DEAF1: variants seen among roughly 807,000 people sequenced by gnomAD.
DEAF1 encodes the protein DEAF1 transcription factor.
Under a neutral mutation model 58.9 loss-of-function variants are expected in DEAF1, and 53 were observed. That is an observed-to-expected ratio of 0.90 (90% CI 0.72 to 1.13). The LOEUF is 1.13. DEAF1 is among the 50% of genes most tolerant of loss of function. The probability of loss-of-function intolerance (pLI) is 0.00; values close to 1 mark genes in which losing one functional copy is unlikely to be tolerated. For missense variants in DEAF1, 685 were observed against 791.4 expected, an observed-to-expected ratio of 0.87 and a Z score of 1.61; for synonymous variants, 385 against 340.4, an observed-to-expected ratio of 1.13 and a Z score of -1.44.
intron 10 of DEAF1, among the ~76,000 whole-genome samples, chr11:655,836 TA>T (rs1297128980): frequency 3.3e-5 from 5 of 152,178 alleles, no homozygotes; most frequent in South Asian, 2.1e-4. Flanking sequence ...TATTTATTAT[TA>T]TTATTATTTT....
chr11:684,702 T>G (rs1177151796), intron 6 of DEAF1, among the ~76,000 whole-genome samples, 196 bp downstream of exon 6: 1 of 152,160 alleles, frequency 6.6e-6, no homozygotes, highest in African/African-American at 2.4e-5. Flanking sequence ...AACCACGTGT[T>G]CCCCATCGAG....
chr11:652,332 C>T lies in DEAF1; in HGVS notation c.1593+1630G>A, dbSNP rs553932303. 2.1e-4 allele frequency among the ~76,000 whole-genome samples: 32 copies of T among 152,236 alleles called. No homozygotes were observed. The South Asian group carries it at 4.4e-3, about 21-fold the overall frequency. ...AATATTTTCAACTGCATAAAATATTCGAACTGAATAAAGATGAAACACAGG... is the reference window on the plus strand; with the variant it reads ...AATATTTTCAACTGCATAAAATATTTGAACTGAATAAAGATGAAACACAGG... On this transcript the variant is annotated intron_variant, in intron 11 of 11. Coordinates refer to ENST00000382409, the MANE Select transcript of DEAF1 (RefSeq NM_021008.4).
chr11:663,995 G>A (rs11246251), intron 10 of DEAF1, among the ~76,000 whole-genome samples: 2,857 of 152,192 alleles, frequency 0.019, 82 homozygotes, highest in African/African-American at 0.064. Flanking sequence ...GGCGGATCAC[G>A]TGAGGCTGGG....
chr11:648,142 T>C (rs1457180848), intron 11 of DEAF1, among the ~76,000 whole-genome samples: 1 of 151,974 alleles, frequency 6.6e-6, no homozygotes, highest in Non-Finnish European at 1.5e-5. Context: ...AACTCGTGTA[T>C]ACTTTTGTGT....
chr11:704,769 T>G (rs1027778694), intron 1 of DEAF1: 4 of 692,158 alleles, frequency 5.8e-6, no homozygotes, highest in Non-Finnish European at 8.4e-6. Context: ...CTGGACTGTC[T>G]CCTGAGGGCA....
chr11:679,843 C>A (rs376521650), intron 7 of DEAF1, 27 bp from the exon 8 acceptor site: 9 of 1,611,352 alleles, frequency 5.6e-6, no homozygotes, highest in Non-Finnish European at 7.6e-6. Context: ...ACATTTCACG[C>A]GGCCAGGCAG....
At chr11:684,833 T>C in intron 6 of DEAF1, 65 bp downstream of exon 6, 1 of 1,380,660 alleles carries the variant, frequency 7.2e-7, no homozygotes, top group Non-Finnish European at 1.0e-6. Flanking sequence ...CCAAGGGCTG[T>C]GGGACCCACT....
At chr11:696,051 C>G (rs1359833010), upstream of DEAF1, among the ~76,000 whole-genome samples, 2 of 151,934 alleles carry the variant, frequency 1.3e-5, no homozygotes, top group Non-Finnish European at 2.9e-5. Context: ...AGAGCTCCCC[C>G]GCGCGCGGGC....
chr11:690,351 G>C (rs1463712947), intron 2 of DEAF1, among the ~76,000 whole-genome samples: 6 of 63,068 alleles, frequency 9.5e-5, no homozygotes, highest in Admixed American at 1.8e-4. Flanking sequence ...CAGGGGAGGG[G>C]AGGGCAGGGG....
At chr11:685,336 G>A (rs573331510) in intron 5 of DEAF1, among the ~76,000 whole-genome samples, 89 of 152,092 alleles carry the variant, frequency 5.9e-4, no homozygotes, top group African/African-American at 1.9e-3. Flanking sequence ...TGCCCGCCTC[G>A]GCCTCCCGAA....
At position 679,716 on chromosome 11, in the gene DEAF1, G is replaced by A. The variant is rs1327626832; in HGVS notation, c.1098C>T (p.Ala366=). The A allele has an allele frequency of 6.2e-7, 1 of 1,613,432 alleles. No homozygotes were observed. The highest frequency in any genetic ancestry group is 2.2e-5 in the East Asian group (1 of 44,888). ...TGGCCCCTGCGAAGACGTCGCCCTG[G>A]GCCGGACTCTCTGATATGACAGCAG... is the stretch of plus-strand genomic sequence containing the variant. ...EATAVISESP[A]QGDVFAGATV... The change falls in exon 8 of 12, where the codon GCC becomes GCT. Residue 366 remains alanine, a synonymous_variant. Transcript: ENST00000382409.
At chr11:664,336 T>C (rs183245706) in intron 10 of DEAF1, among the ~76,000 whole-genome samples, 9 of 150,564 alleles carry the variant, frequency 6.0e-5, no homozygotes, top group Non-Finnish European at 1.0e-4. Context: ...TGTGAAGCAG[T>C]ATCCACCCCA....
chr11:681,600 C>T (rs922618074), intron 6 of DEAF1, among the ~76,000 whole-genome samples: 3 of 151,960 alleles, frequency 2.0e-5, no homozygotes, highest in Non-Finnish European at 4.4e-5. Flanking sequence ...TTAGTAGAGA[C>T]GGGGTTTCAC....
upstream of DEAF1, chr11:698,939 G>C (rs1311420608): frequency 6.2e-7 from 1 of 1,611,500 alleles, no homozygotes; most frequent in Non-Finnish European, 8.5e-7. Context: ...CCGAATTGCT[G>C]CTGCACAGAG....
rs1860681854 is a variant in DEAF1 at position 688,264 on chromosome 11, C to G, written c.517+67G>C. On this transcript the variant is annotated intron_variant, in intron 3 of 11. Transcript: ENST00000382409. The surrounding 1 kb of genome is among the most constrained non-coding windows in gnomAD (Gnocchi z 4.3). ...CAAAAAGAAACAAGTAAATAAATCC[C>G]TGAAATAAATTCTAGCTATTCTGAA... 14 of 1,582,308 alleles carry G rather than the reference C, an allele frequency of 8.8e-6. No homozygotes were observed. The South Asian group carries it at 1.6e-4, about 18-fold the overall frequency.
rs1416200974 is a variant in DEAF1, at chr11:644,266, C to T, written c.*284G>A. The T allele has an allele frequency of 9.4e-6, 5 of 534,526 alleles. No homozygotes were observed. Among genetic ancestry groups the T allele is most frequent in the East Asian group, 6.6e-5 (2 of 30,262 alleles). 33.1% of individuals were successfully genotyped at this position (534,526 alleles called of 1,614,324 possible). A position where few individuals can be genotyped will look rare whatever the true frequency, so the allele number is the denominator to read the frequency against. ...TTACACTTTATTGACAGACACAACA[C>T]GTATGTATGTGCGTCGCAGCACAGG... On this transcript the variant is annotated 3_prime_UTR_variant, in exon 12 of 12. Coordinates refer to ENST00000382409, the MANE Select transcript of DEAF1 (RefSeq NM_021008.4). This position sits in a 1 kb window ranked among gnomAD's most constrained non-coding sequence, Gnocchi z 4.3.
intron 1 of DEAF1, chr11:705,244 C>T (rs1053914198): frequency 5.5e-5 from 9 of 162,420 alleles, no homozygotes; most frequent in African/African-American, 1.7e-4. Context: ...GGACCGGCAG[C>T]CGGAGCCTTG....
intron 10 of DEAF1, among the ~76,000 whole-genome samples, chr11:665,108 G>A (rs1379881258): frequency 3.7e-5 from 5 of 135,154 alleles, no homozygotes; most frequent in East Asian, 2.4e-4. Flanking sequence ...TATTCACACC[G>A]AGAGGAGGAG....
Position 679,588 on chromosome 11 carries a change from G to A in DEAF1, c.1126+100C>T, listed in dbSNP as rs114864787. Reference sequence around the variant, plus strand: ...ACGCCTGGTTCAAGGCCCCTCTCGAGGCACCCAGCAGCCTATGCAGCCCAA... The same window carrying A: ...ACGCCTGGTTCAAGGCCCCTCTCGAAGCACCCAGCAGCCTATGCAGCCCAA... On this transcript the variant is annotated intron_variant, in intron 8 of 11. Coordinates refer to ENST00000382409, the MANE Select transcript of DEAF1 (RefSeq NM_021008.4). The A allele has an allele frequency of 1.1e-4, 169 of 1,572,528 alleles. 1 individual carries two copies. In the African/African-American group the frequency reaches 2.1e-3, roughly 20 times the overall value.
Sources: allele counts gnomAD v4.1 joint callset (sites outside exome capture counted in the v4.1 genomes callset), GRCh38; gene constraint gnomAD v4.1.1; non-coding constraint Gnocchi (gnomAD v3.1); transcripts MANE v1.5; gene names NCBI Gene and HGNC (gene_info 2026-07-23, HGNC 2026-07-21).